EPHB1: variants seen among roughly 807,000 people sequenced by gnomAD.
The protein encoded by EPHB1 is EPH receptor B1, also known as ephrin type-B receptor 1.
A neutral mutation model predicts 94.4 loss-of-function variants in EPHB1; 30 were observed. The observed-to-expected ratio is 0.32, with a 90% CI of 0.24 to 0.43. The LOEUF is 0.43. EPHB1 is among the 20% of genes least tolerant of loss of function. The pLI is 1.00. For synonymous variants in EPHB1, 522 were observed against 489.1 expected (o/e 1.07, Z -0.89); for missense variants, 1,055 against 1,308.3 (o/e 0.81, Z 2.99).
At chr3:135,184,369 G>T (rs963022244) in intron 10 of EPHB1, among the ~76,000 whole-genome samples, 23 of 152,170 alleles carry the variant, frequency 1.5e-4, no homozygotes, top group African/African-American at 5.5e-4. Context: ...GTTGATCAAA[G>T]AAATAAAAAT....
intron 1 of EPHB1, among the ~76,000 whole-genome samples, chr3:134,798,627 C>G (rs776435187): frequency 2.6e-5 from 4 of 152,344 alleles, no homozygotes; most frequent in African/African-American, 4.8e-5. Flanking sequence ...CTCCTGCCTT[C>G]TGGACACAAA....
At chr3:135,133,861 T>G (rs1194951441) in intron 5 of EPHB1, among the ~76,000 whole-genome samples, 3 of 152,242 alleles carry the variant, frequency 2.0e-5, no homozygotes, top group Non-Finnish European at 4.4e-5. Flanking sequence ...ATGCACTTAT[T>G]TATTCGTTCA....
At chr3:134,978,037 TCA>T (rs1178006621) in intron 3 of EPHB1, 1 of 454,980 alleles carries the variant, frequency 2.2e-6, no homozygotes, top group African/African-American at 2.0e-5. Flanking sequence ...TCTGCCACAC[TCA>T]CACAGCCTCC....
chr3:134,899,537 T>C (rs915565497), intron 1 of EPHB1, among the ~76,000 whole-genome samples: 3 of 152,198 alleles, frequency 2.0e-5, no homozygotes, highest in Admixed American at 6.5e-5. Flanking sequence ...CTCCTTCACT[T>C]CCCAAAAGGC....
chr3:135,064,921 T>C (rs1937561904), intron 3 of EPHB1, among the ~76,000 whole-genome samples: 1 of 152,194 alleles, frequency 6.6e-6, no homozygotes, highest in African/African-American at 2.4e-5. Flanking sequence ...GTCCTTCAGT[T>C]TGAAACATTT....
intron 5 of EPHB1, among the ~76,000 whole-genome samples, chr3:135,138,516 A>G (rs777535474): frequency 5.9e-5 from 9 of 152,260 alleles, no homozygotes; most frequent in Admixed American, 5.9e-4. Context: ...TGTAAATCTC[A>G]AAATTAAATA....
intron 2 of EPHB1, among the ~76,000 whole-genome samples, chr3:134,930,289 C>T (rs1578205780): frequency 1.3e-5 from 2 of 152,258 alleles, no homozygotes; most frequent in East Asian, 1.9e-4. Flanking sequence ...AGCAATATTA[C>T]GTGTCAAAAC....
chr3:135,205,779 G>C (rs549248985), intron 12 of EPHB1, among the ~76,000 whole-genome samples: 135 of 152,150 alleles, frequency 8.9e-4, no homozygotes, highest in African/African-American at 3.1e-3. Flanking sequence ...CTATTGTTTT[G>C]ATGTATTTCC....
At chr3:134,931,257 G>T (rs2038897943) in intron 2 of EPHB1, among the ~76,000 whole-genome samples, 1 of 152,242 alleles carries the variant, frequency 6.6e-6, no homozygotes. Flanking sequence ...GAAAGTCCCT[G>T]TTGCTTTCAG....
intron 2 of EPHB1, among the ~76,000 whole-genome samples, chr3:134,948,265 T>C (rs1332642980): frequency 2.0e-5 from 3 of 151,538 alleles, no homozygotes; most frequent in African/African-American, 7.3e-5. Flanking sequence ...GCCCCATGTG[T>C]GTACTGAGAC....
intron 3 of EPHB1, among the ~76,000 whole-genome samples, chr3:135,091,700 GGA>G (rs1938564606): frequency 6.6e-6 from 1 of 152,210 alleles, no homozygotes; most frequent in Non-Finnish European, 1.5e-5. Flanking sequence ...GTCAGAGTTT[GGA>G]GAGTAATGAG....
intron 12 of EPHB1, among the ~76,000 whole-genome samples, chr3:135,212,010 G>T (rs1201575374): frequency 6.6e-6 from 1 of 152,076 alleles, no homozygotes; most frequent in Non-Finnish European, 1.5e-5. Context: ...CTGAGGCTCT[G>T]TTCATTATTT....
intron 2 of EPHB1, among the ~76,000 whole-genome samples, chr3:134,933,802 G>A (rs1315412419): frequency 6.6e-6 from 1 of 152,206 alleles, no homozygotes; most frequent in East Asian, 1.9e-4. Flanking sequence ...TCAGAGAGTG[G>A]GTTCCAGAAG....
At chr3:135,240,352 G>A (rs772651402) in intron 12 of EPHB1, among the ~76,000 whole-genome samples, 2 of 152,006 alleles carry the variant, frequency 1.3e-5, no homozygotes, top group Non-Finnish European at 2.9e-5. Context: ...GAATCCCTTA[G>A]GTAAACAAAA....
intron 4 of EPHB1, among the ~76,000 whole-genome samples, chr3:135,127,631 G>A (rs1288699466): frequency 6.6e-6 from 1 of 152,136 alleles, no homozygotes; most frequent in African/African-American, 2.4e-5. Flanking sequence ...CCTGTCTTCA[G>A]CAGATTTTCA....
chr3:135,114,958 G>A (rs1034020324), intron 4 of EPHB1, among the ~76,000 whole-genome samples: 2 of 152,144 alleles, frequency 1.3e-5, no homozygotes, highest in Non-Finnish European at 2.9e-5. Context: ...AGTTACTCTT[G>A]TGGAAATCTA....
At chr3:134,897,363 T>A (rs2038107551) in intron 1 of EPHB1, among the ~76,000 whole-genome samples, 1 of 152,046 alleles carries the variant, frequency 6.6e-6, no homozygotes, top group Non-Finnish European at 1.5e-5. Flanking sequence ...AAGGAGCAAC[T>A]GCTGGTGGGC....
intron 1 of EPHB1, among the ~76,000 whole-genome samples, chr3:134,871,128 A>C (rs968449512): frequency 6.6e-5 from 10 of 152,198 alleles, no homozygotes; most frequent in African/African-American, 2.2e-4. Flanking sequence ...AGTCATAAGA[A>C]TACTTTGTCA....
At chr3:135,183,021 T>TTTC (rs1225981798) in intron 10 of EPHB1, among the ~76,000 whole-genome samples, 52 of 73,346 alleles carry the variant, frequency 7.1e-4, no homozygotes, top group African/African-American at 1.0e-3. Context: ...TTTTCTTTTC[T>TTTC]TTTCTTTTCT....
Sources: allele counts gnomAD v4.1 joint callset (sites outside exome capture counted in the v4.1 genomes callset), GRCh38; gene constraint gnomAD v4.1.1; transcripts MANE v1.5; gene names NCBI Gene and HGNC (gene_info 2026-07-23, HGNC 2026-07-21).